SGCG: variants seen among roughly 807,000 people sequenced by gnomAD.
SGCG encodes sarcoglycan gamma, also known as gamma-sarcoglycan.
In SGCG, 26 loss-of-function variants were observed where a neutral mutation model predicts 29.3. That is an observed-to-expected ratio of 0.89 (90% CI 0.65 to 1.23). The LOEUF is 1.23. SGCG is among the 50% of genes most tolerant of loss of function. SGCG has a pLI of 0.00. For synonymous variants in SGCG, 145 were observed against 129.7 expected (o/e 1.12, Z -0.80); for missense variants, 353 against 356.0 (o/e 0.99, Z 0.07).
chr13:23,282,557 C>T (rs1881346319), intron 5 of SGCG, among the ~76,000 whole-genome samples: 1 of 152,146 alleles, frequency 6.6e-6, no homozygotes. Flanking sequence ...CGTTTAGCTC[C>T]CACTTATAGG....
the SGCG span, among the ~76,000 whole-genome samples, chr13:23,173,764 C>T: frequency 1.6e-4 from 24 of 152,144 alleles, 1 homozygote; most frequent in African/African-American, 5.6e-4. Flanking sequence ...TAACTGCATG[C>T]TGTCTTCTCT....
chr13:23,308,755 G>C (rs556853), intron 6 of SGCG, among the ~76,000 whole-genome samples: 83,924 of 151,860 alleles, frequency 0.55, 24,387 homozygotes, highest in East Asian at 0.84. Context: ...GTAGAGACGC[G>C]GTTTCATCAT....
the SGCG span, among the ~76,000 whole-genome samples, chr13:23,163,826 T>C: frequency 6.6e-6 from 1 of 152,174 alleles, no homozygotes; most frequent in Non-Finnish European, 1.5e-5. Flanking sequence ...GACAAAGGCC[T>C]AACTAGCAAC....
chr13:23,196,637 G>A (rs1877523006), intron 1 of SGCG, among the ~76,000 whole-genome samples: 1 of 151,790 alleles, frequency 6.6e-6, no homozygotes, highest in African/African-American at 2.4e-5. Flanking sequence ...GTTTTTGCTT[G>A]GTTGAGATTA....
At chr13:23,271,874 C>T (rs1880889416) in intron 4 of SGCG, among the ~76,000 whole-genome samples, 1 of 152,186 alleles carries the variant, frequency 6.6e-6, no homozygotes, top group Non-Finnish European at 1.5e-5. Flanking sequence ...ATATTTTTCA[C>T]ACACATCTTA....
intron 2 of SGCG, among the ~76,000 whole-genome samples, chr13:23,225,153 G>C (rs1250103279): frequency 6.6e-6 from 1 of 152,102 alleles, no homozygotes; most frequent in Non-Finnish European, 1.5e-5. Context: ...AGTGTTGGTA[G>C]GTTGAATGGT....
At chr13:23,287,064 C>T (rs1414516183) in intron 5 of SGCG, among the ~76,000 whole-genome samples, 1 of 152,154 alleles carries the variant, frequency 6.6e-6, no homozygotes, top group Non-Finnish European at 1.5e-5. Context: ...TCTAAGGATG[C>T]CCCCACTGAG....
chr13:23,203,145 G>A (rs1297232376), intron 1 of SGCG, among the ~76,000 whole-genome samples: 1 of 152,060 alleles, frequency 6.6e-6, no homozygotes, highest in African/African-American at 2.4e-5. Context: ...ATTTTTAGTA[G>A]AGACGGGGTG....
rs189133345 is a variant in SGCG, at chr13:23,201,803, A to G, written c.1-1892A>G. Among the ~76,000 whole-genome samples, 505 of 152,288 alleles carry G rather than the reference A, an allele frequency of 3.3e-3. 2 individuals carry two copies. The highest frequency in any genetic ancestry group is 0.011 in the African/African-American group (476 of 41,560). ...TTTGCTAGTTGTATTCACCTGTAGC[A>G]ATATTGTAAGTCTGTGCTTGCTTTT... On this transcript the variant is annotated intron_variant, in intron 1 of 7. Transcript: ENST00000218867.
At position 23,324,393 on chromosome 13, in the gene SGCG, G is replaced by A; in HGVS notation, c.728G>A (p.Cys243Tyr). The change falls in exon 8 of 8, where the codon TGC (cysteine) becomes TAC (tyrosine). Residue 243 changes from cysteine (C) to tyrosine (Y), a missense_variant. Coordinates refer to ENST00000218867, the MANE Select transcript of SGCG (RefSeq NM_000231.3). ...GMLVLDAETV[C>Y]LPKLVQGTWG... is the part of the protein sequence containing the mutation. The stretch of plus-strand genomic sequence containing the variant: ...CTTGTGCTTGATGCTGAAACTGTGT[G>A]CTTACCCAAGCTGGTGCAGGGGACG... The A allele has an allele frequency of 2.5e-6, 4 of 1,614,194 alleles. No homozygotes were observed. The South Asian group carries it at 3.3e-5, about 13-fold the overall frequency.
intron 1 of SGCG, among the ~76,000 whole-genome samples, chr13:23,198,877 G>A (rs926985714): frequency 3.7e-4 from 55 of 148,304 alleles, no homozygotes; most frequent in Middle Eastern, 3.8e-3. Context: ...GGGAGGCCGA[G>A]GCAGGCGGAT....
chr13:23,324,740 C>G lies in SGCG; in HGVS notation c.*199C>G. On this transcript the variant is annotated 3_prime_UTR_variant, in exon 8 of 8. Transcript: ENST00000218867. The stretch of plus-strand genomic sequence containing the variant: ...TCAAAATGCACGTGGATGTGAGACA[C>G]AAAAGTTGACAAAATGGAAAAGCAA... 1.7e-6 allele frequency: 1 copy of G among 589,882 alleles called. No homozygotes were observed. Among genetic ancestry groups the G allele is most frequent in the Non-Finnish European group, 3.0e-6 (1 of 329,078 alleles). 36.5% of individuals were successfully genotyped at this position (589,882 alleles called of 1,614,324 possible).
chr13:23,169,885 T>C, the SGCG span: 1 of 152,172 alleles, frequency 6.6e-6, no homozygotes, highest in Admixed American at 6.6e-5. Flanking sequence ...AAGCACAAGA[T>C]TGGGGCTGGT....
At chr13:23,214,705 T>A (rs1878359417) in intron 2 of SGCG, among the ~76,000 whole-genome samples, 1 of 152,192 alleles carries the variant, frequency 6.6e-6, no homozygotes, top group South Asian at 2.1e-4. Context: ...TATTGATGCC[T>A]TAAACCACCT....
intron 6 of SGCG, among the ~76,000 whole-genome samples, chr13:23,297,309 T>C (rs5023405): frequency 0.37 from 56,150 of 151,274 alleles, 10,972 homozygotes; most frequent in East Asian, 0.78. Flanking sequence ...CCCAGCAGTG[T>C]TAGAGGAATT....
At chr13:23,235,068 T>C (rs1329472723) in intron 3 of SGCG, among the ~76,000 whole-genome samples, 1 of 152,234 alleles carries the variant, frequency 6.6e-6, no homozygotes, top group African/African-American at 2.4e-5. Flanking sequence ...TCTAAGAAGC[T>C]TAGAAAGAAA....
chr13:23,312,135 A>G (rs1882624902), intron 6 of SGCG, among the ~76,000 whole-genome samples: 1 of 152,184 alleles, frequency 6.6e-6, no homozygotes, highest in Admixed American at 6.5e-5. Flanking sequence ...AAACAATGAC[A>G]ATTTATTGCA....
At chr13:23,204,006 G>C in intron 2 of SGCG, 117 bp downstream of exon 2, 2 of 822,206 alleles carry the variant, frequency 2.4e-6, no homozygotes, top group Non-Finnish European at 2.0e-6. Flanking sequence ...TTGCTGTCTG[G>C]CTCTGAATTT....
intron 7 of SGCG, among the ~76,000 whole-genome samples, chr13:23,321,792 G>A (rs1883051975): frequency 6.6e-6 from 1 of 152,086 alleles, no homozygotes; most frequent in Non-Finnish European, 1.5e-5. Flanking sequence ...ACCAAAGAAA[G>A]TGAAACAGCA....
Sources: allele counts gnomAD v4.1 joint callset (sites outside exome capture counted in the v4.1 genomes callset), GRCh38; gene constraint gnomAD v4.1.1; transcripts MANE v1.5; gene names NCBI Gene and HGNC (gene_info 2026-07-23, HGNC 2026-07-21).